Variants in PHEX observed in about 807,000 individuals in gnomAD.
PHEX encodes phosphate-regulating neutral endopeptidase PHEX.
A neutral mutation model predicts 68.0 loss-of-function variants in PHEX; 16 were observed. The observed-to-expected ratio is 0.24, with a 90% CI of 0.16 to 0.36. The LOEUF (loss-of-function observed/expected upper bound fraction) is 0.36. Among genes scored for constraint, PHEX ranks in the 10% least tolerant of loss-of-function variants. PHEX has a pLI of 1.00. For missense variants in PHEX, 480 were observed against 575.5 expected, an observed-to-expected ratio of 0.83 and a Z score of 1.70; for synonymous variants, 208 against 205.1, an observed-to-expected ratio of 1.01 and a Z score of -0.12.
chrX:22,116,179 A>G (rs1416125626), intron 11 of PHEX, among the ~76,000 whole-genome samples: 2 of 111,706 alleles, frequency 1.8e-5, no homozygotes, highest in African/African-American at 6.5e-5. Flanking sequence ...CTATTTCATT[A>G]TGGTTTGATT....
At chrX:22,223,060 C>G (rs928637021) in intron 18 of PHEX, among the ~76,000 whole-genome samples, 1 of 112,059 alleles carries the variant, frequency 8.9e-6, no homozygotes, top group African/African-American at 3.2e-5. Flanking sequence ...AAATGTGTAC[C>G]TTTGTCACAA....
At chrX:22,219,625 T>TATC (rs1556136242) in intron 17 of PHEX, among the ~76,000 whole-genome samples, 290 of 110,325 alleles carry the variant, frequency 2.6e-3, no homozygotes, top group African/African-American at 8.7e-3. Context: ...TTATTATTAT[T>TATC]ATTATCATTA....
intron 12 of PHEX, among the ~76,000 whole-genome samples, chrX:22,165,950 G>A (rs774070501): frequency 3.6e-5 from 4 of 112,255 alleles, no homozygotes; most frequent in Non-Finnish European, 7.5e-5. Context: ...AAACAAATGA[G>A]TGTGGCTATG....
At chrX:22,241,133 T>C (rs764137901) in intron 20 of PHEX, among the ~76,000 whole-genome samples, 2 of 111,190 alleles carry the variant, frequency 1.8e-5, no homozygotes, top group Non-Finnish European at 3.8e-5. Flanking sequence ...CACTCAAAAC[T>C]CCCCAACTAC....
At chrX:22,132,683 C>G (rs1932061529) in intron 11 of PHEX, among the ~76,000 whole-genome samples, 1 of 111,453 alleles carries the variant, frequency 9.0e-6, no homozygotes, top group Admixed American at 9.6e-5. Flanking sequence ...CAGCCCATGC[C>G]TTTCCTGTCT....
intron 6 of PHEX, among the ~76,000 whole-genome samples, chrX:22,093,143 T>TACATATAGTAAG (rs1288634045): frequency 8.9e-6 from 1 of 112,373 alleles, no homozygotes; most frequent in African/African-American, 3.2e-5. Context: ...CCTAAGGTCA[T>TACATATAGTAAG]ACATATAGTA....
At chrX:22,105,168 G>C (rs1045397824) in intron 9 of PHEX, among the ~76,000 whole-genome samples, 3 of 111,984 alleles carry the variant, frequency 2.7e-5, no homozygotes, top group Non-Finnish European at 5.6e-5. Context: ...CAGAAATGCA[G>C]ACTCTCGGGC....
chrX:22,209,493 A>G, intron 15 of PHEX, among the ~76,000 whole-genome samples: 1 of 106,242 alleles, frequency 9.4e-6, no homozygotes, highest in East Asian at 2.9e-4. Flanking sequence ...ATCGCCACAT[A>G]GTTACTCGTT....
intron 11 of PHEX, among the ~76,000 whole-genome samples, chrX:22,131,153 C>T (rs1290319851): frequency 9.0e-6 from 1 of 110,663 alleles, no homozygotes; most frequent in Non-Finnish European, 1.9e-5. Context: ...GATTCTCCTG[C>T]CTCAGCCTCC....
chrX:22,175,420 G>A (rs1274386235), intron 13 of PHEX, among the ~76,000 whole-genome samples: 3 of 109,043 alleles, frequency 2.8e-5, no homozygotes, highest in East Asian at 2.9e-4. Flanking sequence ...GCACAATCTC[G>A]GCTCACTGCA....
intron 14 of PHEX, among the ~76,000 whole-genome samples, chrX:22,180,970 A>G (rs1933865961): frequency 1.8e-5 from 2 of 112,240 alleles, no homozygotes; most frequent in Non-Finnish European, 3.8e-5. Context: ...TCCATTGTAT[A>G]TATATACCAC....
chrX:22,144,735 GCTTT>G (rs1359427853), intron 12 of PHEX, among the ~76,000 whole-genome samples: 1 of 85,305 alleles, frequency 1.2e-5, no homozygotes, highest in Non-Finnish European at 2.2e-5. Context: ...AAAATTGTTT[GCTTT>G]CTTTTTTTTG....
intron 14 of PHEX, among the ~76,000 whole-genome samples, chrX:22,179,123 A>C (rs1449637031): frequency 9.0e-6 from 1 of 111,310 alleles, no homozygotes; most frequent in African/African-American, 3.3e-5. Flanking sequence ...TACAACTGAG[A>C]AATTCTTCAG....
intron 3 of PHEX, among the ~76,000 whole-genome samples, chrX:22,065,971 G>C (rs1928580332): frequency 8.9e-6 from 1 of 111,941 alleles, no homozygotes; most frequent in Admixed American, 9.5e-5. Flanking sequence ...GGCGGAAAGA[G>C]TTGCAAGCGC....
At chrX:22,085,804 G>A (rs1242273083) in intron 5 of PHEX, among the ~76,000 whole-genome samples, 2 of 111,654 alleles carry the variant, frequency 1.8e-5, no homozygotes, top group East Asian at 5.6e-4. Context: ...TTCTGTAAAT[G>A]TCAGTTAGGC....
At chrX:22,095,584 G>A (rs1930101581) in intron 7 of PHEX, among the ~76,000 whole-genome samples, 1 of 112,121 alleles carries the variant, frequency 8.9e-6, no homozygotes, top group Admixed American at 9.4e-5. Flanking sequence ...TGGAAGAGGA[G>A]TGTGGATATC....
chrX:22,045,228 G>A (rs1007355181), intron 2 of PHEX, among the ~76,000 whole-genome samples: 2 of 111,858 alleles, frequency 1.8e-5, no homozygotes, highest in Non-Finnish European at 3.8e-5. Flanking sequence ...CAAACTGTAA[G>A]ATATGTATCT....
At chrX:22,186,038 G>C (rs1934023433) in intron 14 of PHEX, among the ~76,000 whole-genome samples, 2 of 111,588 alleles carry the variant, frequency 1.8e-5, no homozygotes, top group African/African-American at 6.6e-5. Flanking sequence ...TTACAGGCAT[G>C]AGCCACTGCA....
chrX:22,099,024 A>G lies in PHEX; in HGVS notation c.952A>G (p.Ile318Val). The G allele has an allele frequency of 8.3e-7, 1 of 1,210,028 alleles. No homozygotes were observed. The highest frequency in any genetic ancestry group is 1.1e-6 in the Non-Finnish European group (1 of 894,489). ...CCCTCAGTTCGACTGGCTGGGCTAC[A>G]TCAAGAAGGTCATTGACACCAGACT... ...MIPQFDWLGY[I>V]KKVIDTRLYP... The change falls in exon 9 of 22, where the codon ATC becomes GTC. Residue 318 changes from isoleucine to valine, a missense_variant. Ile to Val is a conservative substitution (Grantham distance 29). Coordinates refer to ENST00000379374, the MANE Select transcript of PHEX (RefSeq NM_000444.6).
Sources: gnomAD v4.1 joint callset for allele counts (sites outside exome capture counted in the v4.1 genomes callset) on GRCh38, gnomAD v4.1.1 for gene constraint, MANE v1.5 for transcripts, NCBI Gene and HGNC (gene_info 2026-07-23, HGNC 2026-07-21) for gene names.